The following UBAC2 variants were observed in gnomAD, a reference collection of about 807,000 sequenced individuals.
UBAC2 encodes the protein UBA domain containing 2.
A neutral mutation model predicts 44.0 loss-of-function variants in UBAC2; 26 were observed. That is an observed-to-expected ratio of 0.59 (90% CI 0.43 to 0.82). The LOEUF is 0.82. Ranked by LOEUF, UBAC2 falls within the 40% of genes least tolerant of loss-of-function variation. The pLI is 0.00. For synonymous variants in UBAC2, 155 were observed against 154.3 expected (o/e 1.00, Z -0.04); for missense variants, 329 against 419.4 (o/e 0.78, Z 1.88).
At chr13:99,204,372 CAG>C (rs1337759272) in intron 1 of UBAC2, among the ~76,000 whole-genome samples, 1 of 152,104 alleles carries the variant, frequency 6.6e-6, no homozygotes, top group Non-Finnish European at 1.5e-5. Flanking sequence ...CTGGGAGGGA[CAG>C]AGCCTGGACA....
At chr13:99,354,674 T>G (rs1321424322) in intron 7 of UBAC2, among the ~76,000 whole-genome samples, 3 of 152,056 alleles carry the variant, frequency 2.0e-5, no homozygotes, top group African/African-American at 4.8e-5. Context: ...AGAAGTAATT[T>G]ACGATGGGGC....
chr13:99,352,034 C>T (rs1194372232), intron 7 of UBAC2, among the ~76,000 whole-genome samples: 1 of 152,156 alleles, frequency 6.6e-6, no homozygotes, highest in Non-Finnish European at 1.5e-5. Context: ...TCTTTATCCT[C>T]CCCCAGCAAC....
intron 6 of UBAC2, among the ~76,000 whole-genome samples, chr13:99,327,482 C>CTG (rs544191744): frequency 4.9e-3 from 739 of 150,324 alleles, no homozygotes; most frequent in African/African-American, 0.011. Context: ...TTCTCTCTCT[C>CTG]TCTGTGTGTG....
intron 6 of UBAC2, among the ~76,000 whole-genome samples, chr13:99,326,706 G>A (rs1476342693): frequency 6.6e-6 from 1 of 152,120 alleles, no homozygotes; most frequent in Admixed American, 6.5e-5. Flanking sequence ...ATGGGTGGTA[G>A]AACCAGGACA....
intron 7 of UBAC2, chr13:99,351,832 A>G (rs1430264510): frequency 2.2e-6 from 1 of 453,428 alleles, no homozygotes; most frequent in Non-Finnish European, 4.4e-6. Context: ...TCCTCATCTC[A>G]TTGGGCTGCC....
intron 1 of UBAC2, among the ~76,000 whole-genome samples, chr13:99,228,156 C>T (rs1160843467): frequency 6.6e-6 from 1 of 152,214 alleles, no homozygotes; most frequent in African/African-American, 2.4e-5. Flanking sequence ...ATGGATCAAG[C>T]TGCCCGTTGC....
chr13:99,289,686 G>A (rs967901653), intron 4 of UBAC2, among the ~76,000 whole-genome samples: 3 of 150,128 alleles, frequency 2.0e-5, no homozygotes, highest in East Asian at 2.0e-4. Context: ...TTGCAGCCAC[G>A]AAATAACCCT....
rs1190890684 is a variant in UBAC2 at position 99,377,311 on chromosome 13, AC to A, written c.928-7915del. 3.3e-5 allele frequency: 5 copies of A among 152,240 alleles called. No individual in the cohort carries two copies. In the East Asian group the frequency reaches 9.6e-4, roughly 29 times the overall value. 9.4% of individuals were successfully genotyped at this position (152,240 alleles called of 1,614,324 possible). Reference sequence around the variant, plus strand: ...AGTGCCAGTCCTTAGAGCAGAGGAGACCTGTAAACATTCATTCCTGTACTTT... The same window carrying A: ...AGTGCCAGTCCTTAGAGCAGAGGAGACTGTAAACATTCATTCCTGTACTTT... On this transcript the variant is annotated intron_variant, in intron 8 of 8. Coordinates refer to ENST00000403766, the MANE Select transcript of UBAC2 (RefSeq NM_001144072.2).
chr13:99,201,544 T>G, intron 1 of UBAC2: 2 of 1,614,144 alleles, frequency 1.2e-6, no homozygotes, highest in Non-Finnish European at 1.7e-6. Flanking sequence ...GCTGTTTTCC[T>G]GGCGTGTTAG....
chr13:99,375,333 G>C (rs1001704696), intron 8 of UBAC2, among the ~76,000 whole-genome samples: 1 of 152,024 alleles, frequency 6.6e-6, no homozygotes, highest in Non-Finnish European at 1.5e-5. Context: ...ACAGGGAGAG[G>C]GGGGTGGGGG....
At chr13:99,257,835 A>G (rs572334189) in intron 4 of UBAC2, among the ~76,000 whole-genome samples, 3 of 152,364 alleles carry the variant, frequency 2.0e-5, no homozygotes, top group Admixed American at 2.0e-4. Context: ...TTTAGTATTA[A>G]TGTAAAGCAA....
intron 7 of UBAC2, among the ~76,000 whole-genome samples, chr13:99,353,285 C>A (rs1425099071): frequency 6.6e-6 from 1 of 152,268 alleles, no homozygotes; most frequent in African/African-American, 2.4e-5. Context: ...CGCTGTTTAT[C>A]TCAATCTGTA....
intron 4 of UBAC2, among the ~76,000 whole-genome samples, chr13:99,277,295 G>A (rs2043896411): frequency 6.6e-6 from 1 of 152,218 alleles, no homozygotes; most frequent in Non-Finnish European, 1.5e-5. Flanking sequence ...GGAGGCCGAG[G>A]CAGGTAGATC....
chr13:99,286,060 G>T (rs1458744247), intron 4 of UBAC2, among the ~76,000 whole-genome samples: 2 of 152,200 alleles, frequency 1.3e-5, no homozygotes, highest in East Asian at 3.8e-4. Flanking sequence ...TGGTAGACCA[G>T]TCCTTATGTG....
chr13:99,323,853 G>A (rs796673519), intron 6 of UBAC2, among the ~76,000 whole-genome samples: 6 of 152,324 alleles, frequency 3.9e-5, no homozygotes, highest in African/African-American at 7.2e-5. Flanking sequence ...ACCAGTTGAC[G>A]TGTGATTTTT....
chr13:99,265,078 C>T (rs769611405), intron 4 of UBAC2, among the ~76,000 whole-genome samples: 3 of 151,134 alleles, frequency 2.0e-5, no homozygotes, highest in African/African-American at 4.9e-5. Flanking sequence ...TAGAGGAAGA[C>T]GTGTTGTTTT....
intron 4 of UBAC2, among the ~76,000 whole-genome samples, chr13:99,250,720 A>G (rs1465334317): frequency 3.3e-5 from 5 of 151,820 alleles, no homozygotes; most frequent in Non-Finnish European, 7.4e-5. Context: ...TGCTTTTTCC[A>G]TTTGTTTGTA....
chr13:99,203,140 G>T (rs565390548), intron 1 of UBAC2, among the ~76,000 whole-genome samples: 3 of 151,912 alleles, frequency 2.0e-5, no homozygotes. Flanking sequence ...GAGTTCAAGC[G>T]ATTCTCCCGC....
chr13:99,281,163 T>G lies in UBAC2; in HGVS notation c.390-32934T>G, dbSNP rs558245225. Among the ~76,000 whole-genome samples, 76 of 151,652 alleles carry G rather than the reference T, an allele frequency of 5.0e-4. 1 individual carries two copies. The highest frequency in any genetic ancestry group is 4.5e-3 in the Admixed American group (69 of 15,206). ...GAGATCACACCATGGTACTCCAGCC[T>G]GGGTGACAGAGCGAGACTCCATCTC... On this transcript the variant is annotated intron_variant, in intron 4 of 8. Coordinates refer to ENST00000403766, the MANE Select transcript of UBAC2 (RefSeq NM_001144072.2).
Sources: gnomAD v4.1 joint callset for allele counts (sites outside exome capture counted in the v4.1 genomes callset) on GRCh38, gnomAD v4.1.1 for gene constraint, MANE v1.5 for transcripts, NCBI Gene and HGNC (gene_info 2026-07-23, HGNC 2026-07-21) for gene names.